The following RAPGEF2 variants were observed in gnomAD, a reference collection of about 807,000 sequenced individuals.
RAPGEF2 encodes PDZ domain containing guanine nucleotide exchange factor (GEF) 1.
RAPGEF2 carries 54 observed loss-of-function variants against 186.7 expected under a neutral mutation model. The observed-to-expected ratio is 0.29, with a 90% confidence interval of 0.23 to 0.36. RAPGEF2 has a LOEUF of 0.36. Among genes scored for constraint, RAPGEF2 ranks in the 10% least tolerant of loss-of-function variants. The probability of loss-of-function intolerance (pLI) is 1.00; values close to 1 mark genes in which losing one functional copy is unlikely to be tolerated. For synonymous variants in RAPGEF2, 712 were observed against 705.9 expected (o/e 1.01, Z -0.14); for missense variants, 1,532 against 2,045.0 (o/e 0.75, Z 4.84).
intron 1 of RAPGEF2, among the ~76,000 whole-genome samples, chr4:159,175,330 AT>A (rs935540061): frequency 1.3e-5 from 2 of 151,874 alleles, no homozygotes; most frequent in Non-Finnish European, 2.9e-5. Context: ...TCTGCTATGG[AT>A]TTTTTTTCTT....
At chr4:159,199,372 A>G (rs1198505872) in intron 3 of RAPGEF2, among the ~76,000 whole-genome samples, 1 of 152,218 alleles carries the variant, frequency 6.6e-6, no homozygotes, top group African/African-American at 2.4e-5. Flanking sequence ...TTAAAAATAC[A>G]ATTAATCCAT....
chr4:159,251,818 T>A (rs568227532), intron 7 of RAPGEF2, among the ~76,000 whole-genome samples: 1 of 151,652 alleles, frequency 6.6e-6, no homozygotes, highest in Admixed American at 6.6e-5. Flanking sequence ...GTGGGTGGGG[T>A]CAGATAAGGG....
At chr4:159,205,420 A>G (rs530398026) in intron 3 of RAPGEF2, among the ~76,000 whole-genome samples, 12 of 152,310 alleles carry the variant, frequency 7.9e-5, no homozygotes, top group African/African-American at 2.6e-4. Flanking sequence ...TTACATCCCA[A>G]TAAACCCACT....
chr4:159,328,332 A>T (rs1766214966), intron 11 of RAPGEF2: 1 of 152,166 alleles, frequency 6.6e-6, no homozygotes, highest in South Asian at 2.1e-4. Context: ...TTAATGTGAT[A>T]CTATAAGCAA....
chr4:159,225,357 A>G (rs1003163747), intron 4 of RAPGEF2, among the ~76,000 whole-genome samples: 3 of 152,190 alleles, frequency 2.0e-5, no homozygotes, highest in African/African-American at 7.2e-5. Flanking sequence ...AAATTACTGA[A>G]TTTTGTAAAT....
chr4:159,268,749 T>G (rs147910036), intron 7 of RAPGEF2, among the ~76,000 whole-genome samples: 2,260 of 152,220 alleles, frequency 0.015, 19 homozygotes, highest in Non-Finnish European at 0.025. Flanking sequence ...AATTATTGCT[T>G]CTTTATAATT....
intron 1 of RAPGEF2, among the ~76,000 whole-genome samples, chr4:159,118,379 C>A (rs139015543): frequency 6.6e-6 from 1 of 152,052 alleles, no homozygotes; most frequent in East Asian, 1.9e-4. Context: ...GCTCAGGGCT[C>A]GTGCTGATTC....
intron 1 of RAPGEF2, among the ~76,000 whole-genome samples, chr4:159,174,756 C>CTTTTT (rs1554004795): frequency 8.9e-6 from 1 of 112,550 alleles, no homozygotes; most frequent in Non-Finnish European, 1.8e-5. Context: ...TCTTTTCTTT[C>CTTTTT]TTTCTTTTTT....
chr4:159,341,469 C>A, intron 19 of RAPGEF2, 95 bp from the exon 20 acceptor site: 1 of 1,320,146 alleles, frequency 7.6e-7, no homozygotes, highest in East Asian at 2.4e-5. Context: ...TCAGTGCTCT[C>A]TCAAACTTTC....
intron 7 of RAPGEF2, chr4:159,267,927 A>G: frequency 1.5e-6 from 2 of 1,295,552 alleles, no homozygotes; most frequent in Non-Finnish European, 2.0e-6. Flanking sequence ...TTAGAGTTTC[A>G]ATGTTATAAA....
intron 9 of RAPGEF2, among the ~76,000 whole-genome samples, chr4:159,318,152 G>C (rs1764826036): frequency 6.6e-6 from 1 of 151,970 alleles, no homozygotes; most frequent in South Asian, 2.1e-4. Flanking sequence ...TATCATGTTT[G>C]CAGCTATCAA....
At chr4:159,138,169 A>G (rs1184202333) in intron 1 of RAPGEF2, among the ~76,000 whole-genome samples, 1 of 152,192 alleles carries the variant, frequency 6.6e-6, no homozygotes, top group Non-Finnish European at 1.5e-5. Flanking sequence ...CATTGGTACC[A>G]GTTTTATACC....
At chr4:159,127,918 T>G (rs563136335) in intron 1 of RAPGEF2, among the ~76,000 whole-genome samples, 1 of 152,232 alleles carries the variant, frequency 6.6e-6, no homozygotes, top group Non-Finnish European at 1.5e-5. Flanking sequence ...CAAATTTTAC[T>G]TAGTCACCAT....
At chr4:159,191,607 C>T (rs563961629) in intron 2 of RAPGEF2, among the ~76,000 whole-genome samples, 111 of 151,992 alleles carry the variant, frequency 7.3e-4, no homozygotes, top group Non-Finnish European at 1.4e-3. Context: ...GGCGTGGTGG[C>T]GCGCAACGAT....
chr4:159,264,694 C>T (rs1183995302), intron 7 of RAPGEF2, among the ~76,000 whole-genome samples: 5 of 152,108 alleles, frequency 3.3e-5, no homozygotes, highest in Non-Finnish European at 5.9e-5. Flanking sequence ...CATCCATCTC[C>T]AGAACTTTTT....
intron 11 of RAPGEF2, chr4:159,327,316 C>T (rs1411745929): frequency 1.3e-5 from 2 of 152,072 alleles, no homozygotes; most frequent in Non-Finnish European, 2.9e-5. Context: ...CATGGGCTTA[C>T]AGCAATTTGA....
intron 25 of RAPGEF2, 42 bp from the exon 26 acceptor site, chr4:159,350,095 A>G (rs1730953823): frequency 7.4e-7 from 1 of 1,353,444 alleles, no homozygotes; most frequent in Non-Finnish European, 1.0e-6. Flanking sequence ...TTATTTTCAG[A>G]CTTGAAAATA....
chr4:159,250,809 A>G (rs1280478590), intron 7 of RAPGEF2, among the ~76,000 whole-genome samples: 1 of 150,326 alleles, frequency 6.7e-6, no homozygotes, highest in Non-Finnish European at 1.5e-5. Context: ...CGGCCTCGGC[A>G]TCCACTCTGG....
chr4:159,281,211 C>T (rs1009602525), intron 7 of RAPGEF2, among the ~76,000 whole-genome samples: 3 of 151,790 alleles, frequency 2.0e-5, no homozygotes, highest in South Asian at 2.1e-4. Context: ...AAGATGGTCT[C>T]GCTCTTTTGA....
Sources: allele counts gnomAD v4.1 joint callset (sites outside exome capture counted in the v4.1 genomes callset), GRCh38; gene constraint gnomAD v4.1.1; transcripts MANE v1.5; gene names NCBI Gene and HGNC (gene_info 2026-07-23, HGNC 2026-07-21).